Variants in NDE1 observed in about 807,000 individuals in gnomAD.
NDE1 encodes the protein nuclear distribution protein nudE homolog 1.
In NDE1, 28 loss-of-function variants were observed where a neutral mutation model predicts 43.4. That is an observed-to-expected ratio of 0.65 (90% CI 0.48 to 0.89). NDE1 has a LOEUF of 0.89. Among genes scored for constraint, NDE1 ranks in the 40% least tolerant of loss-of-function variants. The pLI, the probability that NDE1 is intolerant of heterozygous loss-of-function variation, is 0.00. For synonymous variants in NDE1, 184 were observed against 172.0 expected (o/e 1.07, Z -0.55); for missense variants, 441 against 434.1 (o/e 1.02, Z -0.14).
intron 3 of NDE1, among the ~76,000 whole-genome samples, chr16:15,676,653 A>C (rs1433886478): frequency 1.3e-5 from 2 of 151,878 alleles, no homozygotes; most frequent in African/African-American, 2.4e-5. Flanking sequence ...TTGTGGGCAC[A>C]AACAACGGAC....
chr16:15,700,062 G>A, intron 8 of NDE1: 2 of 1,170,874 alleles, frequency 1.7e-6, no homozygotes, highest in South Asian at 3.3e-5. Flanking sequence ...GACAAAAGGG[G>A]CTCTCTGGGA....
At chr16:15,655,926 C>T (rs2036739628) in intron 1 of NDE1, among the ~76,000 whole-genome samples, 1 of 139,248 alleles carries the variant, frequency 7.2e-6, no homozygotes, top group South Asian at 2.2e-4. Context: ...GGGAATTGAA[C>T]AACGAGAACA....
chr16:15,716,139 G>A (rs1199979807), intron 8 of NDE1, among the ~76,000 whole-genome samples: 3 of 152,026 alleles, frequency 2.0e-5, no homozygotes, highest in African/African-American at 7.2e-5. Flanking sequence ...ATGCTGCCCA[G>A]ACTGGTCTCG....
At position 15,724,845 on chromosome 16, in the gene NDE1, G is replaced by A. The variant is rs958101359; in HGVS notation, c.*594G>A. 2 of 1,613,552 alleles carry A rather than the reference G, an allele frequency of 1.2e-6. No individual in the cohort carries two copies. Among genetic ancestry groups the A allele is most frequent in the African/African-American group, 1.3e-5 (1 of 74,926 alleles). On this transcript the variant is annotated 3_prime_UTR_variant, in exon 9 of 9. Transcript: ENST00000396354. ...GGTCCCAGGGACCTGCCCCGAGGAA[G>A]GCCACCCCCCAGGTCCCCTGGATGA...
chr16:15,683,544 C>T (rs1188741894), intron 4 of NDE1, among the ~76,000 whole-genome samples: 1 of 151,854 alleles, frequency 6.6e-6, no homozygotes, highest in Admixed American at 6.6e-5. Context: ...GATGGGGTTT[C>T]GCCATGTTAG....
upstream of NDE1, among the ~76,000 whole-genome samples, chr16:15,650,006 C>T (rs1020060529): frequency 2.6e-5 from 4 of 152,344 alleles, no homozygotes; most frequent in East Asian, 1.9e-4. Context: ...CTCCAATGCC[C>T]GCCAGCCCGC....
At chr16:15,719,487 A>T in intron 8 of NDE1, 1 of 1,580,862 alleles carries the variant, frequency 6.3e-7, no homozygotes, top group Non-Finnish European at 8.6e-7. Context: ...ACCCCAGAGG[A>T]GGACGAAATG....
chr16:15,718,611 G>A (rs1001991115), intron 8 of NDE1: 29 of 1,020,178 alleles, frequency 2.8e-5, no homozygotes, highest in African/African-American at 6.5e-5. Context: ...GTGGACAGCC[G>A]GGACTCAGGC....
intron 8 of NDE1, among the ~76,000 whole-genome samples, chr16:15,706,290 T>A (rs2039450131): frequency 6.6e-6 from 1 of 152,168 alleles, no homozygotes; most frequent in Admixed American, 6.6e-5. Context: ...TTTTTAGCAC[T>A]GTTTTCCAAG....
chr16:15,723,796 G>C (rs2040605712), intron 8 of NDE1, among the ~76,000 whole-genome samples: 1 of 152,208 alleles, frequency 6.6e-6, no homozygotes, highest in African/African-American at 2.4e-5. Flanking sequence ...GGTATTAAAA[G>C]TATAGAAACT....
At chr16:15,721,949 G>A (rs938600484) in intron 8 of NDE1, among the ~76,000 whole-genome samples, 7 of 151,908 alleles carry the variant, frequency 4.6e-5, no homozygotes, top group Admixed American at 1.3e-4. Context: ...CCTCCGCCTC[G>A]TGGGTTCAAG....
At chr16:15,700,421 A>G (rs555686905) in intron 8 of NDE1, 2 of 148,636 alleles carry the variant, frequency 1.3e-5, no homozygotes, top group South Asian at 2.1e-4. Context: ...CACTAACCCA[A>G]GCGGAGGTCC....
chr16:15,718,420 C>T lies in NDE1; in HGVS notation c.948-5771C>T. ...CGATCCGGGCCTCCAGGCGGCGCTT[C>T]TCGTCCTGGAGTGCGTTCCTGGGGG... is the stretch of plus-strand genomic sequence containing the variant. On this transcript the variant is annotated intron_variant, in intron 8 of 8. Coordinates refer to ENST00000396354, the MANE Select transcript of NDE1 (RefSeq NM_017668.3). The T allele has an allele frequency of 5.7e-6, 9 of 1,579,328 alleles. No individual in the cohort carries two copies. Among genetic ancestry groups the T allele is most frequent in the Non-Finnish European group, 7.7e-6 (9 of 1,163,942 alleles).
intron 8 of NDE1, among the ~76,000 whole-genome samples, chr16:15,702,393 G>A (rs937288296): frequency 1.3e-5 from 2 of 152,118 alleles, no homozygotes; most frequent in African/African-American, 4.8e-5. Flanking sequence ...GGCTGGGTGG[G>A]TGGTGGTGGT....
intron 8 of NDE1, among the ~76,000 whole-genome samples, chr16:15,716,350 G>A (rs2040136011): frequency 6.6e-6 from 1 of 152,126 alleles, no homozygotes; most frequent in African/African-American, 2.4e-5. Context: ...GTGCATTGCA[G>A]GGCGTGCGAA....
intron 8 of NDE1, chr16:15,713,258 A>C (rs2039922589): frequency 1.3e-5 from 2 of 152,004 alleles, no homozygotes. Context: ...AATGGAAAAA[A>C]AATAGAAGTG....
chr16:15,676,703 G>C (rs1186851715), intron 3 of NDE1, among the ~76,000 whole-genome samples: 1 of 152,096 alleles, frequency 6.6e-6, no homozygotes, highest in Non-Finnish European at 1.5e-5. Flanking sequence ...GCAGGGAGTT[G>C]CCCAGGCCGG....
At chr16:15,687,566 C>A (rs1177416952) in intron 5 of NDE1, 55 bp downstream of exon 5, 1 of 1,471,956 alleles carries the variant, frequency 6.8e-7, no homozygotes. Context: ...ACCTGAGCAA[C>A]ATCTTGTCCC....
At chr16:15,703,595 G>A (rs2039299321) in intron 8 of NDE1, 3 of 380,878 alleles carry the variant, frequency 7.9e-6, no homozygotes, top group Non-Finnish European at 4.9e-6. Flanking sequence ...TAGGGGTGGT[G>A]GTGGTGGTGG....
Sources: allele counts gnomAD v4.1 joint callset (sites outside exome capture counted in the v4.1 genomes callset), GRCh38; gene constraint gnomAD v4.1.1; transcripts MANE v1.5; gene names NCBI Gene and HGNC (gene_info 2026-07-23, HGNC 2026-07-21).